The following ZMIZ1 variants were observed in gnomAD, a reference collection of about 807,000 sequenced individuals.
ZMIZ1 encodes zinc finger MIZ-type containing 1, also known as zinc finger MIZ domain-containing protein 1.
ZMIZ1 carries 17 observed loss-of-function variants against 113.9 expected under a neutral mutation model. The ratio of observed to expected loss-of-function variants is 0.15; its 90% CI spans 0.10 to 0.22. The LOEUF (loss-of-function observed/expected upper bound fraction) is 0.22. Among genes scored for constraint, ZMIZ1 ranks in the 10% least tolerant of loss-of-function variants. The pLI, the probability that ZMIZ1 is intolerant of heterozygous loss-of-function variation, is 1.00. For synonymous variants in ZMIZ1, 607 were observed against 603.1 expected (o/e 1.01, Z -0.09); for missense variants, 1,059 against 1,477.8 (o/e 0.72, Z 4.65).
At chr10:79,100,798 G>C (rs1304272237) in intron 1 of ZMIZ1, among the ~76,000 whole-genome samples, 2 of 152,280 alleles carry the variant, frequency 1.3e-5, no homozygotes, top group Admixed American at 6.5e-5. Context: ...GGTGGTCATC[G>C]GGGGCACTGG....
At position 79,229,714 on chromosome 10, in the gene ZMIZ1, C is replaced by A. The variant is rs1849321048; in HGVS notation, c.280+13440C>A. 2.0e-5 allele frequency among the ~76,000 whole-genome samples: 3 copies of A among 152,120 alleles called. No individual in the cohort carries two copies. In the South Asian group the frequency reaches 6.2e-4, roughly 32 times the overall value. ...ATCCGTACTTAGGGAACCCTGTACT[C>A]CCAAAGGAGCTCACAGACCCAGACC... On this transcript the variant is annotated intron_variant, in intron 7 of 24. Coordinates refer to ENST00000334512, the MANE Select transcript of ZMIZ1 (RefSeq NM_020338.4).
chr10:79,114,766 C>T (rs1658323), intron 1 of ZMIZ1, among the ~76,000 whole-genome samples: 42,269 of 151,936 alleles, frequency 0.28, 6,923 homozygotes, highest in Non-Finnish European at 0.38. Context: ...AATCTCCCCT[C>T]CCCCTGACAT....
intron 4 of ZMIZ1, among the ~76,000 whole-genome samples, chr10:79,186,685 T>C (rs1847365583): frequency 6.6e-6 from 1 of 152,202 alleles, no homozygotes; most frequent in Admixed American, 6.5e-5. Flanking sequence ...AGTAGCACTT[T>C]GGAATTTTCA....
chr10:79,175,326 G>C (rs780148), intron 4 of ZMIZ1, among the ~76,000 whole-genome samples: 101,959 of 152,168 alleles, frequency 0.67, 35,763 homozygotes, highest in East Asian at 0.9. Flanking sequence ...GTCTGCCTCT[G>C]GCTCTGGCTC....
chr10:79,081,719 G>C (rs919786912), intron 1 of ZMIZ1, among the ~76,000 whole-genome samples: 13 of 152,238 alleles, frequency 8.5e-5, no homozygotes, highest in African/African-American at 2.9e-4. Flanking sequence ...AGGCCCCTGA[G>C]ACCTGGGCTC....
At chr10:79,265,471 T>A (rs1437969428) in intron 7 of ZMIZ1, among the ~76,000 whole-genome samples, 1 of 147,386 alleles carries the variant, frequency 6.8e-6, no homozygotes, top group East Asian at 1.9e-4. Flanking sequence ...TTCTTTTCTT[T>A]TTTTTTTTTT....
chr10:79,215,233 C>T (rs753369011), intron 6 of ZMIZ1, among the ~76,000 whole-genome samples: 1 of 151,608 alleles, frequency 6.6e-6, no homozygotes, highest in East Asian at 1.9e-4. Flanking sequence ...TGCCCCATCC[C>T]GGAAGCCTTA....
rs558021305 is a variant in ZMIZ1, at chr10:79,109,572, G to A, written c.-336-9343G>A. Among the ~76,000 whole-genome samples the A allele has an allele frequency of 2.0e-5, 3 of 152,306 alleles. No individual in the cohort carries two copies. The South Asian group carries it at 6.2e-4, about 32-fold the overall frequency. ...GGAGGCTGGGAGGGAGGGATGTGGTGCCCACTCCCAGGCCCCCACACTGGG... is the reference window on the plus strand; with the variant it reads ...GGAGGCTGGGAGGGAGGGATGTGGTACCCACTCCCAGGCCCCCACACTGGG... On this transcript the variant is annotated intron_variant, in intron 1 of 24. Coordinates refer to ENST00000334512, the MANE Select transcript of ZMIZ1 (RefSeq NM_020338.4).
intron 1 of ZMIZ1, among the ~76,000 whole-genome samples, chr10:79,097,944 C>G (rs565546923): frequency 1.3e-5 from 2 of 152,290 alleles, no homozygotes; most frequent in East Asian, 3.9e-4. Context: ...CGTAGACGGG[C>G]AAAGCCTTTG....
chr10:79,171,478 A>C (rs564677876), intron 4 of ZMIZ1, among the ~76,000 whole-genome samples: 4 of 152,256 alleles, frequency 2.6e-5, no homozygotes, highest in Admixed American at 2.6e-4. Context: ...GCCCCTCTCC[A>C]CTGCTCTCTC....
At chr10:79,126,633 G>A (rs1454408082) in intron 2 of ZMIZ1, among the ~76,000 whole-genome samples, 1 of 152,228 alleles carries the variant, frequency 6.6e-6, no homozygotes, top group Non-Finnish European at 1.5e-5. Flanking sequence ...TGCCCCCGGG[G>A]GGTTGGAGAC....
chr10:79,286,580 G>A (rs746152617), intron 8 of ZMIZ1, among the ~76,000 whole-genome samples: 14 of 152,278 alleles, frequency 9.2e-5, no homozygotes, highest in Admixed American at 2.0e-4. Flanking sequence ...GTGTGTGCAC[G>A]GATGTGTCCT....
At chr10:79,223,015 G>A (rs541443624) in intron 7 of ZMIZ1, among the ~76,000 whole-genome samples, 1 of 152,296 alleles carries the variant, frequency 6.6e-6, no homozygotes, top group African/African-American at 2.4e-5. Context: ...CCCCGTGGTG[G>A]TGGGGACATT....
intron 1 of ZMIZ1, among the ~76,000 whole-genome samples, chr10:79,090,600 T>A (rs1358422206): frequency 6.6e-6 from 1 of 152,182 alleles, no homozygotes; most frequent in African/African-American, 2.4e-5. Flanking sequence ...GCAAGAACAA[T>A]GAAGCCATGT....
chr10:79,201,609 G>A lies in ZMIZ1; in HGVS notation c.-24G>A, dbSNP rs1263775288. On this transcript the variant is annotated 5_prime_UTR_variant, in exon 5 of 25. Coordinates refer to ENST00000334512, the MANE Select transcript of ZMIZ1 (RefSeq NM_020338.4). ...GCTGGACAACGTTCATGGCTCTCGGGTAGAACCTAGTGAAACGGCCAGAAT... is the reference window on the plus strand; with the variant it reads ...GCTGGACAACGTTCATGGCTCTCGGATAGAACCTAGTGAAACGGCCAGAAT... 2 of 1,613,120 alleles carry A rather than the reference G, an allele frequency of 1.2e-6. No individual in the cohort carries two copies. Among genetic ancestry groups the A allele is most frequent in the South Asian group, 1.1e-5 (1 of 90,918 alleles).
intron 11 of ZMIZ1, chr10:79,292,669 A>G (rs981119455): frequency 4.5e-5 from 22 of 487,852 alleles, no homozygotes; most frequent in African/African-American, 1.7e-4. Context: ...TGGGCCCCCA[A>G]CTCACCAAGG....
At chr10:79,104,625 G>C (rs1344058875) in intron 1 of ZMIZ1, among the ~76,000 whole-genome samples, 1 of 152,160 alleles carries the variant, frequency 6.6e-6, no homozygotes, top group Non-Finnish European at 1.5e-5. Flanking sequence ...CCAGTTTGTA[G>C]CCAGAATCCA....
At chr10:79,279,992 C>T (rs987570596) in intron 8 of ZMIZ1, among the ~76,000 whole-genome samples, 18 of 139,358 alleles carry the variant, frequency 1.3e-4, no homozygotes, top group Admixed American at 4.3e-4. Context: ...ATTATTATTA[C>T]TTTTTTTTTT....
chr10:79,270,615 T>G (rs1589531068), intron 7 of ZMIZ1, among the ~76,000 whole-genome samples: 1 of 152,090 alleles, frequency 6.6e-6, no homozygotes, highest in South Asian at 2.1e-4. Flanking sequence ...TGGTGTGGAG[T>G]GGGAACCCTG....
Sources: gnomAD v4.1 joint callset for allele counts (sites outside exome capture counted in the v4.1 genomes callset) on GRCh38, gnomAD v4.1.1 for gene constraint, MANE v1.5 for transcripts, NCBI Gene and HGNC (gene_info 2026-07-23, HGNC 2026-07-21) for gene names.